EPHA5: variants seen among roughly 807,000 people sequenced by gnomAD.
EPHA5 encodes the protein EPH receptor A5, also known as ephrin type-A receptor 5.
EPHA5 carries 60 observed loss-of-function variants against 105.0 expected under a neutral mutation model. The observed-to-expected ratio is 0.57, with a 90% CI of 0.46 to 0.71. The LOEUF (loss-of-function observed/expected upper bound fraction) is 0.71. EPHA5 is among the 30% of genes least tolerant of loss of function. The pLI is 0.00. For synonymous variants in EPHA5, 513 were observed against 449.1 expected (o/e 1.14, Z -1.80); for missense variants, 1,218 against 1,274.7 (o/e 0.96, Z 0.68).
At chr4:65,394,910 A>G (rs1721069561) in intron 8 of EPHA5, among the ~76,000 whole-genome samples, 1 of 152,132 alleles carries the variant, frequency 6.6e-6, no homozygotes, top group African/African-American at 2.4e-5. Context: ...AGGTTTTAGC[A>G]CCTACCCTTC....
intron 6 of EPHA5, 80 bp from the exon 7 acceptor site, chr4:65,414,523 G>T: frequency 6.8e-7 from 1 of 1,468,420 alleles, no homozygotes; most frequent in Non-Finnish European, 9.3e-7. Context: ...TCATAGATCA[G>T]AAAATGAATC....
chr4:65,627,552 G>T (rs370157951), intron 2 of EPHA5, among the ~76,000 whole-genome samples: 369 of 152,208 alleles, frequency 2.4e-3, no homozygotes, highest in African/African-American at 8.5e-3. Flanking sequence ...TGTAATGTTT[G>T]TCCTGTTTTG....
chr4:65,479,065 T>C (rs1730106373), intron 5 of EPHA5, among the ~76,000 whole-genome samples: 1 of 152,170 alleles, frequency 6.6e-6, no homozygotes, highest in African/African-American at 2.4e-5. Flanking sequence ...TAAAACCTAT[T>C]TTTTCCATAA....
At chr4:65,654,148 C>CA (rs1381499202) in intron 1 of EPHA5, among the ~76,000 whole-genome samples, 1 of 151,536 alleles carries the variant, frequency 6.6e-6, no homozygotes, top group Non-Finnish European at 1.5e-5. Flanking sequence ...GCAACCATAA[C>CA]ACCATGAACA....
At chr4:65,398,897 G>C (rs1044636794) in intron 8 of EPHA5, among the ~76,000 whole-genome samples, 5 of 152,256 alleles carry the variant, frequency 3.3e-5, no homozygotes, top group African/African-American at 1.2e-4. Context: ...CCTTAACCTT[G>C]CTCATTCTAC....
At chr4:65,446,463 A>G (rs6823443) in intron 5 of EPHA5, among the ~76,000 whole-genome samples, 2,491 of 152,340 alleles carry the variant, frequency 0.016, 75 homozygotes, top group African/African-American at 0.057. Context: ...TTATTCTTGT[A>G]GAACTTAGCT....
intron 1 of EPHA5, among the ~76,000 whole-genome samples, chr4:65,659,346 A>C (rs1003493513): frequency 1.4e-3 from 128 of 89,016 alleles, no homozygotes; most frequent in African/African-American, 5.1e-3. Flanking sequence ...AAAAAAAAAA[A>C]AAAAAAAAAA....
At chr4:65,650,180 A>G (rs1429863721) in intron 1 of EPHA5, among the ~76,000 whole-genome samples, 1 of 152,166 alleles carries the variant, frequency 6.6e-6, no homozygotes, top group African/African-American at 2.4e-5. Flanking sequence ...TGAACAAAGT[A>G]TCTTCTCTAT....
At chr4:65,528,322 T>C (rs11934711) in intron 3 of EPHA5, among the ~76,000 whole-genome samples, 38,250 of 151,928 alleles carry the variant, frequency 0.25, 5,037 homozygotes, top group African/African-American at 0.31. Flanking sequence ...AAATATAATG[T>C]GCCTTAATTT....
chr4:65,396,147 C>T (rs1721213129), intron 8 of EPHA5, among the ~76,000 whole-genome samples: 2 of 152,180 alleles, frequency 1.3e-5, no homozygotes, highest in Non-Finnish European at 2.9e-5. Flanking sequence ...CTACTGGTGC[C>T]AGCTCTGATT....
chr4:65,555,888 A>G (rs371583033), intron 3 of EPHA5, among the ~76,000 whole-genome samples: 48 of 152,222 alleles, frequency 3.2e-4, no homozygotes, highest in African/African-American at 1.1e-3. Flanking sequence ...ATTTTCTTAC[A>G]AGTTGTTTCC....
At chr4:65,394,845 A>AAG (rs1213003519) in intron 8 of EPHA5, among the ~76,000 whole-genome samples, 5 of 152,252 alleles carry the variant, frequency 3.3e-5, no homozygotes, top group African/African-American at 1.2e-4. Flanking sequence ...AGATAATGAT[A>AAG]TACTTATCAT....
intron 3 of EPHA5, among the ~76,000 whole-genome samples, chr4:65,594,016 T>C (rs1742931728): frequency 6.6e-6 from 1 of 152,320 alleles, no homozygotes; most frequent in African/African-American, 2.4e-5. Flanking sequence ...TACACACTTT[T>C]CCCATGAGAG....
chr4:65,454,136 C>A lies in EPHA5; in HGVS notation c.1403-33571G>T, dbSNP rs368936954. 4.1e-4 allele frequency among the ~76,000 whole-genome samples: 62 copies of A among 152,068 alleles called. 3 individuals carry two copies. In the South Asian group the frequency reaches 0.013, roughly 31 times the overall value. ...TCTCTACTAAAAATACAAAATTAGC[C>A]GGGCATGGTGGCGCATGCCTGTAAT... On this transcript the variant is annotated intron_variant, in intron 5 of 16. Transcript: ENST00000613740.
rs1311162748 is a variant in EPHA5 at position 65,348,659 on chromosome 4, G to GGTATATATAT, written c.2446-457_2446-456insATATATATAC. On this transcript the variant is annotated intron_variant, in intron 13 of 16. Transcript: ENST00000613740. ...TAATAAGAAAAGCATAAACATTGGA[G>GGTATATATAT]ATATATATATATATATATATATATA... Among the ~76,000 whole-genome samples the GGTATATATAT allele has an allele frequency of 1.3e-4, 8 of 60,226 alleles. 1 individual carries two copies. The highest frequency in any genetic ancestry group is 2.0e-4 in the Non-Finnish European group (6 of 30,150). The allele number at this position is 60,226 out of a possible 152,430, so 39.5% of individuals were successfully genotyped here.
intron 2 of EPHA5, among the ~76,000 whole-genome samples, chr4:65,615,793 T>G (rs933828050): frequency 6.6e-6 from 1 of 151,872 alleles, no homozygotes. Flanking sequence ...CAACAACCAA[T>G]GCTGATGAGA....
At chr4:65,404,221 G>C (rs1010602777) in intron 8 of EPHA5, among the ~76,000 whole-genome samples, 153 bp downstream of exon 8, 2 of 152,134 alleles carry the variant, frequency 1.3e-5, no homozygotes, top group African/African-American at 4.8e-5. Flanking sequence ...ATATGAACAA[G>C]ATAAGGCTCA....
intron 3 of EPHA5, among the ~76,000 whole-genome samples, chr4:65,512,665 G>A (rs975124827): frequency 6.6e-6 from 1 of 152,050 alleles, no homozygotes; most frequent in Non-Finnish European, 1.5e-5. Context: ...GAAGCCAATA[G>A]GGCTTCCTGT....
intron 3 of EPHA5, among the ~76,000 whole-genome samples, chr4:65,500,528 A>C (rs2149239500): frequency 6.7e-6 from 1 of 149,622 alleles, no homozygotes; most frequent in African/African-American, 2.5e-5. Context: ...GAAATTGTTT[A>C]AAGATTCTCA....
Sources: gnomAD v4.1 joint callset for allele counts (sites outside exome capture counted in the v4.1 genomes callset) on GRCh38, gnomAD v4.1.1 for gene constraint, MANE v1.5 for transcripts, NCBI Gene and HGNC (gene_info 2026-07-23, HGNC 2026-07-21) for gene names.